ZDHHC15: variants seen among roughly 807,000 people sequenced by gnomAD.
ZDHHC15 encodes the protein palmitoyltransferase ZDHHC15.
ZDHHC15 carries 19 observed loss-of-function variants against 31.7 expected under a neutral mutation model. The ratio of observed to expected loss-of-function variants is 0.60; its 90% CI spans 0.42 to 0.88. The LOEUF (loss-of-function observed/expected upper bound fraction) is 0.88. ZDHHC15 is among the 40% of genes least tolerant of loss of function. ZDHHC15 has a pLI of 0.00. For missense variants in ZDHHC15, 209 were observed against 251.2 expected (o/e 0.83, Z 1.14); for synonymous variants, 103 against 90.0 (o/e 1.14, Z -0.82).
intron 5 of ZDHHC15, among the ~76,000 whole-genome samples, chrX:75,430,520 G>T (rs890920748): frequency 9.0e-6 from 1 of 111,667 alleles, no homozygotes; most frequent in African/African-American, 3.2e-5. Context: ...ATAAATAAAT[G>T]ATTGAATAAA....
chrX:75,414,426 C>CTTTTTTTTTTTT (rs1177332052), intron 10 of ZDHHC15, among the ~76,000 whole-genome samples: 41 of 66,185 alleles, frequency 6.2e-4, no homozygotes, highest in Admixed American at 7.5e-4. Flanking sequence ...CATATTTTAT[C>CTTTTTTTTTTTT]TTTTTTTTTT....
chrX:75,492,900 A>G (rs2084923076), intron 2 of ZDHHC15, among the ~76,000 whole-genome samples: 2 of 111,719 alleles, frequency 1.8e-5, no homozygotes, highest in Admixed American at 9.5e-5. Context: ...ACACATTCAA[A>G]AGCTAGCAGA....
intron 2 of ZDHHC15, 132 bp from the exon 3 acceptor site, chrX:75,479,117 TTAA>T (rs1320159898): frequency 2.4e-6 from 1 of 410,923 alleles, no homozygotes; most frequent in Non-Finnish European, 3.9e-6. Flanking sequence ...TTATGAAGTG[TTAA>T]TTTTATTTTC....
Position 75,417,168 on chromosome X carries a change from G to A in ZDHHC15, c.886C>T (p.Pro296Ser). Reference protein sequence around the residue: ...GSSPGDGHSFPMRSMNESQNP... With the variant: ...GSSPGDGHSFSMRSMNESQNP... ...TGTGACTCATTCATAGACCTCATAG[G>A]GAAGGAGTGTCCATCACCAGGGCTG... Residue 296 changes from proline (P) to serine (S), a missense_variant, in exon 10 of 12, where the codon CCT becomes TCT. Transcript: ENST00000373367. The A allele has an allele frequency of 8.3e-7, 1 of 1,206,249 alleles. No homozygotes were observed. Among genetic ancestry groups the A allele is most frequent in the Non-Finnish European group, 1.1e-6 (1 of 891,695 alleles).
At chrX:75,444,685 T>TAC (rs1338165998) in intron 4 of ZDHHC15, among the ~76,000 whole-genome samples, 7 of 31,086 alleles carry the variant, frequency 2.3e-4, no homozygotes, top group African/African-American at 7.3e-4. Flanking sequence ...TATATATATA[T>TAC]ATACACACAC....
chrX:75,461,817 T>C (rs2084320077), intron 3 of ZDHHC15, among the ~76,000 whole-genome samples: 1 of 111,324 alleles, frequency 9.0e-6, no homozygotes. Flanking sequence ...TACAAGTCAC[T>C]ACAAAAACAC....
chrX:75,507,436 G>T (rs1470029104), intron 1 of ZDHHC15, among the ~76,000 whole-genome samples: 3 of 111,017 alleles, frequency 2.7e-5, no homozygotes, highest in Non-Finnish European at 5.7e-5. Context: ...AAAAGATGTG[G>T]CACTTATCTT....
At chrX:75,474,574 A>ATATATATAATT (rs2084566489) in intron 3 of ZDHHC15, among the ~76,000 whole-genome samples, 5 of 4,807 alleles carry the variant, frequency 1.0e-3, no homozygotes, top group Admixed American at 5.9e-3. Flanking sequence ...TCCCCTTTAT[A>ATATATATAATT]CACACACACA....
intron 10 of ZDHHC15, among the ~76,000 whole-genome samples, chrX:75,397,733 A>T (rs1301280398): frequency 1.8e-5 from 2 of 111,275 alleles, no homozygotes; most frequent in Non-Finnish European, 3.8e-5. Context: ...TAATCTAGGA[A>T]ACAACTTGAC....
chrX:75,397,312 G>T (rs771687814), intron 10 of ZDHHC15, among the ~76,000 whole-genome samples: 158 of 89,507 alleles, frequency 1.8e-3, no homozygotes, highest in Non-Finnish European at 3.2e-3. Flanking sequence ...GGGCAACAGA[G>T]TGAGACTCCA....
intron 2 of ZDHHC15, among the ~76,000 whole-genome samples, chrX:75,495,945 AG>A: frequency 9.1e-6 from 1 of 110,216 alleles, no homozygotes; most frequent in Admixed American, 9.7e-5. Context: ...AAAAAAAAAA[AG>A]AAAAACAAGG....
At chrX:75,492,561 C>T (rs1241323669) in intron 2 of ZDHHC15, among the ~76,000 whole-genome samples, 1 of 111,646 alleles carries the variant, frequency 9.0e-6, no homozygotes, top group Non-Finnish European at 1.9e-5. Context: ...TGTAAAAGAA[C>T]AGAAATTATA....
intron 3 of ZDHHC15, among the ~76,000 whole-genome samples, chrX:75,451,881 C>A (rs2084124284): frequency 9.0e-6 from 1 of 110,931 alleles, no homozygotes; most frequent in Non-Finnish European, 1.9e-5. Context: ...CCTGAAGGAA[C>A]CACTAAACAT....
At chrX:75,516,956 C>T (rs2085367516) in intron 1 of ZDHHC15, among the ~76,000 whole-genome samples, 1 of 112,327 alleles carries the variant, frequency 8.9e-6, no homozygotes, top group Non-Finnish European at 1.9e-5. Context: ...CAAAAGAAGA[C>T]ATTTATGCAG....
At chrX:75,426,722 T>G (rs983347455) in intron 7 of ZDHHC15, among the ~76,000 whole-genome samples, 1 of 111,478 alleles carries the variant, frequency 9.0e-6, no homozygotes, top group Admixed American at 9.6e-5. Context: ...AAATAATCTG[T>G]TGGTCTTCTG....
intron 10 of ZDHHC15, among the ~76,000 whole-genome samples, chrX:75,412,846 C>G (rs1439412802): frequency 1.8e-5 from 2 of 111,916 alleles, no homozygotes; most frequent in Admixed American, 9.5e-5. Context: ...TGCATGATCT[C>G]TCTTATGTGT....
At chrX:75,502,277 A>C (rs748734203) in intron 2 of ZDHHC15, 1 of 111,219 alleles carries the variant, frequency 9.0e-6, no homozygotes, top group South Asian at 3.8e-4. Flanking sequence ...CCCTATAAGG[A>C]CATCAGACTG....
At chrX:75,506,386 GCTATTTCTTCAGGC>G (rs2085164099) in intron 1 of ZDHHC15, among the ~76,000 whole-genome samples, 2 of 111,419 alleles carry the variant, frequency 1.8e-5, no homozygotes, top group Non-Finnish European at 3.8e-5. Context: ...TGTTCTAAGG[GCTATTTCTTCAGGC>G]CTTTCATCAG....
intron 2 of ZDHHC15, among the ~76,000 whole-genome samples, chrX:75,499,831 G>A (rs1277474577): frequency 1.8e-5 from 2 of 111,526 alleles, no homozygotes; most frequent in Non-Finnish European, 3.8e-5. Flanking sequence ...AAATACACTT[G>A]CACATGTATG....
Sources: gnomAD v4.1 joint callset for allele counts (sites outside exome capture counted in the v4.1 genomes callset) on GRCh38, gnomAD v4.1.1 for gene constraint, MANE v1.5 for transcripts, NCBI Gene and HGNC (gene_info 2026-07-23, HGNC 2026-07-21) for gene names.